The following PRTFDC1 variants were observed in gnomAD, a reference collection of about 807,000 sequenced individuals.
PRTFDC1 encodes the protein phosphoribosyl transferase domain containing 1.
In PRTFDC1, 38 loss-of-function variants were observed where a neutral mutation model predicts 34.6. The observed-to-expected ratio is 1.10, with a 90% CI of 0.85 to 1.44. PRTFDC1 has a LOEUF of 1.44. Ranked by LOEUF, PRTFDC1 falls within the 40% of genes most tolerant of loss-of-function variation. PRTFDC1 has a pLI of 0.00. For synonymous variants in PRTFDC1, 93 were observed against 98.1 expected, an observed-to-expected ratio of 0.95 and a Z score of 0.31; for missense variants, 270 against 283.0, an observed-to-expected ratio of 0.95 and a Z score of 0.33.
At chr10:24,947,272 A>G (rs1311051846) in intron 1 of PRTFDC1, among the ~76,000 whole-genome samples, 1 of 152,262 alleles carries the variant, frequency 6.6e-6, no homozygotes, top group East Asian at 1.9e-4. Flanking sequence ...TCGATTCAAG[A>G]CGATGGAAAT....
chr10:24,867,232 T>TA (rs11412549), intron 4 of PRTFDC1, among the ~76,000 whole-genome samples: 6,949 of 152,204 alleles, frequency 0.046, 517 homozygotes, highest in African/African-American at 0.15. Context: ...AATTTAATTT[T>TA]AAAAAATCCT....
At chr10:24,856,523 G>A (rs2132490907) in intron 6 of PRTFDC1, among the ~76,000 whole-genome samples, 1 of 152,172 alleles carries the variant, frequency 6.6e-6, no homozygotes, top group South Asian at 2.1e-4. Flanking sequence ...AGGGGGTGGA[G>A]GTTGCAGTGA....
At chr10:24,853,996 AT>A (rs1847534407) in intron 7 of PRTFDC1, among the ~76,000 whole-genome samples, 1 of 152,170 alleles carries the variant, frequency 6.6e-6, no homozygotes, top group Non-Finnish European at 1.5e-5. Flanking sequence ...GCTGTGCTCA[AT>A]TTCCTCATCT....
chr10:24,876,476 A>T (rs1047020725), intron 3 of PRTFDC1, among the ~76,000 whole-genome samples: 1 of 152,086 alleles, frequency 6.6e-6, no homozygotes, highest in Non-Finnish European at 1.5e-5. Flanking sequence ...CAGGCGGATC[A>T]CGAGGTCAGG....
At chr10:24,853,479 G>T (rs1847525349) in intron 7 of PRTFDC1, among the ~76,000 whole-genome samples, 1 of 152,056 alleles carries the variant, frequency 6.6e-6, no homozygotes, top group South Asian at 2.1e-4. Flanking sequence ...AGGTGTGGTG[G>T]TACCTGTAGT....
At chr10:24,887,992 C>T (rs539905435) in intron 3 of PRTFDC1, among the ~76,000 whole-genome samples, 9 of 152,288 alleles carry the variant, frequency 5.9e-5, no homozygotes, top group African/African-American at 2.2e-4. Flanking sequence ...AACTCTCGGG[C>T]TCAAGCAATC....
At chr10:24,925,623 A>G (rs1848859771) in intron 3 of PRTFDC1, among the ~76,000 whole-genome samples, 1 of 152,230 alleles carries the variant, frequency 6.6e-6, no homozygotes, top group Non-Finnish European at 1.5e-5. Flanking sequence ...TTCAAATGAT[A>G]AACGGAGGAA....
intron 3 of PRTFDC1, among the ~76,000 whole-genome samples, chr10:24,918,957 C>A (rs1007484485): frequency 1.3e-5 from 2 of 152,154 alleles, no homozygotes; most frequent in African/African-American, 4.8e-5. Flanking sequence ...TACATCTTAG[C>A]CCCATTCTCG....
intron 2 of PRTFDC1, among the ~76,000 whole-genome samples, chr10:24,939,948 A>G (rs1417629571): frequency 6.6e-6 from 1 of 152,158 alleles, no homozygotes; most frequent in African/African-American, 2.4e-5. Context: ...CAGACTTCTG[A>G]GTGAGGAATA....
rs76128598 is a variant in PRTFDC1 at position 24,903,340 on chromosome 10, C to T, written c.340-31277G>A. The stretch of plus-strand genomic sequence containing the variant: ...ATAAAGTGAAGACTAATAAAGCCAA[C>T]GATTGGTAATGTTCTATTTGTTAAC... On this transcript the variant is annotated intron_variant, in intron 3 of 8. Coordinates refer to ENST00000320152, the MANE Select transcript of PRTFDC1 (RefSeq NM_020200.7). 5.3e-3 allele frequency among the ~76,000 whole-genome samples: 801 copies of T among 152,236 alleles called. 10 individuals are homozygous for T. Among genetic ancestry groups the T allele is most frequent in the African/African-American group, 0.018 (758 of 41,530 alleles).
chr10:24,872,801 TA>T (rs1565261738), intron 3 of PRTFDC1, among the ~76,000 whole-genome samples: 2 of 122,456 alleles, frequency 1.6e-5, no homozygotes, highest in East Asian at 4.5e-4. Context: ...TATATATATA[TA>T]TATATTTTTT....
At chr10:24,942,586 C>T (rs10828731) in intron 1 of PRTFDC1, 150 bp from the exon 2 acceptor site, 296,117 of 661,338 alleles carry the variant, frequency 0.45, 69,307 homozygotes, top group East Asian at 0.51. Flanking sequence ...TGATACAAGG[C>T]GCAGTACTAA....
intron 3 of PRTFDC1, among the ~76,000 whole-genome samples, chr10:24,936,453 A>G (rs1475334710): frequency 6.6e-6 from 1 of 151,912 alleles, no homozygotes; most frequent in African/African-American, 2.4e-5. Context: ...TAATTTTAAA[A>G]ATTTTCTTTT....
chr10:24,908,878 T>G, intron 3 of PRTFDC1: 2 of 843,422 alleles, frequency 2.4e-6, no homozygotes, highest in Non-Finnish European at 3.5e-6. Context: ...CTGGCTGGGG[T>G]GAGAATGCAG....
At chr10:24,942,541 AG>A in intron 1 of PRTFDC1, 105 bp from the exon 2 acceptor site, 1 of 898,310 alleles carries the variant, frequency 1.1e-6, no homozygotes, top group Non-Finnish European at 1.8e-6. Flanking sequence ...ACTTATGAAA[AG>A]TTTAGTGGAA....
chr10:24,912,155 G>C (rs901508291), intron 3 of PRTFDC1, among the ~76,000 whole-genome samples: 2 of 149,594 alleles, frequency 1.3e-5, no homozygotes, highest in Admixed American at 6.8e-5. Flanking sequence ...TGCAATCCCA[G>C]CTACTGAGGA....
intron 6 of PRTFDC1, 66 bp from the exon 7 acceptor site, chr10:24,855,430 A>T: frequency 9.6e-6 from 15 of 1,564,158 alleles, no homozygotes; most frequent in Non-Finnish European, 1.2e-5. Context: ...AATAGAATCA[A>T]GCATCATTAA....
intron 4 of PRTFDC1, among the ~76,000 whole-genome samples, chr10:24,866,391 CTT>C (rs1847777961): frequency 7.0e-6 from 1 of 143,416 alleles, no homozygotes; most frequent in African/African-American, 2.5e-5. Flanking sequence ...GAAAAAAAAA[CTT>C]ATTTGAGGGC....
intron 4 of PRTFDC1, among the ~76,000 whole-genome samples, chr10:24,868,834 G>T (rs1056100398): frequency 6.6e-6 from 1 of 151,712 alleles, no homozygotes; most frequent in Non-Finnish European, 1.5e-5. Flanking sequence ...TCTGCATGAT[G>T]GGAAGATTTT....
Sources: allele counts gnomAD v4.1 joint callset (sites outside exome capture counted in the v4.1 genomes callset), GRCh38; gene constraint gnomAD v4.1.1; transcripts MANE v1.5; gene names NCBI Gene and HGNC (gene_info 2026-07-23, HGNC 2026-07-21).